EBI3: variants seen among roughly 807,000 people sequenced by gnomAD.
The protein encoded by EBI3 is interleukin-27 subunit beta.
A neutral mutation model predicts 21.3 loss-of-function variants in EBI3; 19 were observed. The ratio of observed to expected loss-of-function variants is 0.89; its 90% CI spans 0.62 to 1.31. The LOEUF is 1.31. EBI3 is among the 50% of genes most tolerant of loss of function. EBI3 has a pLI of 0.00. For synonymous variants in EBI3, 154 were observed against 131.2 expected (o/e 1.17, Z -1.19); for missense variants, 331 against 314.0 (o/e 1.05, Z -0.41).
In EBI3 at chr19:4,236,835, C is replaced by G; in HGVS notation, c.538-101C>G. On this transcript the variant is annotated intron_variant, in intron 4 of 4. Coordinates refer to ENST00000221847, the MANE Select transcript of EBI3 (RefSeq NM_005755.3). ...GGCCAGAGTCCTGGACTGGAGCCTG[C>G]AGGGGGCAGGGAGGACTGCACGCTC... The G allele has an allele frequency of 2.3e-6, 3 of 1,321,954 alleles. No homozygotes were observed. In the African/African-American group the frequency reaches 4.6e-5, roughly 20 times the overall value. The allele number at this position is 1,321,954 out of a possible 1,614,324, so 81.9% of individuals were successfully genotyped here. A position where few individuals can be genotyped will look rare whatever the true frequency, so the allele number is the denominator to read the frequency against.
Position 4,237,115 on chromosome 19 carries a change from G to C in EBI3, c.*27G>C. Reference sequence around the variant, plus strand: ...AAGGGCTTCCCGCTGCCTCCAGACAGCACCTGGGTCCTCGCCACCCTAAGC... The same window carrying C: ...AAGGGCTTCCCGCTGCCTCCAGACACCACCTGGGTCCTCGCCACCCTAAGC... On this transcript the variant is annotated 3_prime_UTR_variant, in exon 5 of 5. Transcript: ENST00000221847. 1 of 1,465,430 alleles carries C rather than the reference G, an allele frequency of 6.8e-7. No homozygotes were observed. Among genetic ancestry groups the C allele is most frequent in the Non-Finnish European group, 9.1e-7 (1 of 1,099,672 alleles). 90.8% of individuals were successfully genotyped at this position (1,465,430 alleles called of 1,614,324 possible).
chr19:4,232,752 T>TAATGAATG (rs1218188547), intron 2 of EBI3, among the ~76,000 whole-genome samples: 1 of 33,784 alleles, frequency 3.0e-5, no homozygotes, highest in Admixed American at 2.6e-4. Flanking sequence ...AGGGATGAAT[T>TAATGAATG]AATGAATGAA....
chr19:4,235,471 C>G (rs1052911428), intron 4 of EBI3, among the ~76,000 whole-genome samples: 1 of 151,350 alleles, frequency 6.6e-6, no homozygotes, highest in Non-Finnish European at 1.5e-5. Context: ...AGGCGCCCAC[C>G]ACGCCCGGCT....
intron 4 of EBI3, among the ~76,000 whole-genome samples, chr19:4,235,911 A>G (rs1055424494): frequency 2.6e-5 from 4 of 152,202 alleles, no homozygotes; most frequent in African/African-American, 4.8e-5. Context: ...TGGGTAACAG[A>G]GAGAGACTCT....
Position 4,237,113 on chromosome 19 carries a change from C to T in EBI3, c.*25C>T, listed in dbSNP as rs772512479. 2.7e-6 allele frequency: 4 copies of T among 1,477,666 alleles called. No individual in the cohort carries two copies. Among genetic ancestry groups the T allele is most frequent in the East Asian group, 2.6e-5 (1 of 38,370 alleles). The allele number at this position is 1,477,666 out of a possible 1,614,324, so 91.5% of individuals were successfully genotyped here. On this transcript the variant is annotated 3_prime_UTR_variant, in exon 5 of 5. Transcript: ENST00000221847. ...GCAAGGGCTTCCCGCTGCCTCCAGACAGCACCTGGGTCCTCGCCACCCTAA... is the reference window on the plus strand; with the variant it reads ...GCAAGGGCTTCCCGCTGCCTCCAGATAGCACCTGGGTCCTCGCCACCCTAA...
chr19:4,234,662 G>A lies in EBI3; in HGVS notation c.380-5G>A, dbSNP rs370189348. 147 of 1,609,334 alleles carry A rather than the reference G, an allele frequency of 9.1e-5. No individual in the cohort carries two copies. Among genetic ancestry groups the A allele is most frequent in the Admixed American group, 5.2e-4 (31 of 59,328 alleles). On this transcript the variant is annotated splice_polypyrimidine_tract_variant and splice_region_variant and intron_variant, in intron 3 of 4. Coordinates refer to ENST00000221847, the MANE Select transcript of EBI3 (RefSeq NM_005755.3). ...CCCTGACCCTGCTTCCTGCTTGTCC[G>A]TCAGTCAAGCCCGACCCTCCAGAAG...
Position 4,231,174 on chromosome 19 carries a change from T to C in EBI3, c.68-17T>C. The C allele has an allele frequency of 6.4e-7, 1 of 1,561,014 alleles. No individual in the cohort carries two copies. The highest frequency in any genetic ancestry group is 1.4e-5 in the African/African-American group (1 of 72,330). ...CTGGGGGTAAACCAGAAGCTCACTC[T>C]TTCTGTCTTCCTCCAGGGCCCCCAG... On this transcript the variant is annotated splice_polypyrimidine_tract_variant and intron_variant, in intron 1 of 4. Coordinates refer to ENST00000221847, the MANE Select transcript of EBI3 (RefSeq NM_005755.3).
In EBI3 at chr19:4,231,202, G is replaced by A; in HGVS notation, c.79G>A (p.Ala27Thr). The change falls in exon 2 of 5, where the codon GCT (alanine) becomes ACT (threonine). Residue 27 changes from alanine (A) to threonine (T), a missense_variant. Physicochemically the swap from Ala to Thr is moderately conservative, Grantham distance 58. Coordinates refer to ENST00000221847, the MANE Select transcript of EBI3 (RefSeq NM_005755.3). Reference protein sequence around the residue: ...PCSGRKGPPAALTLPRVQCRA... With the variant: ...PCSGRKGPPATLTLPRVQCRA... ...CTGTCTTCCTCCAGGGCCCCCAGCA[G>A]CTCTGACACTGCCCCGGGTGCAATG... The A allele has an allele frequency of 6.3e-7, 1 of 1,596,420 alleles. No homozygotes were observed.
Position 4,233,292 on chromosome 19 carries a change from A to G in EBI3, c.364A>G (p.Ile122Val), listed in dbSNP as rs748587004. 1.9e-6 allele frequency: 3 copies of G among 1,608,952 alleles called. No individual in the cohort carries two copies. The highest frequency in any genetic ancestry group is 2.2e-5 in the East Asian group (1 of 44,564). Reference sequence around the variant, plus strand: ...CTCCAGCAGCAGCTTCGTGCCTTTCATAACAGAGCACATCAGTGAGTGGGG... The same window carrying G: ...CTCCAGCAGCAGCTTCGTGCCTTTCGTAACAGAGCACATCAGTGAGTGGGG... The part of the protein sequence containing the change: ...WGSSSSFVPF[I>V]TEHIIKPDPP... The change falls in exon 3 of 5, where the codon ATA (isoleucine) becomes GTA (valine). Residue 122 changes from isoleucine to valine, a missense_variant. Ile to Val is a conservative substitution (Grantham distance 29, BLOSUM62 3). Transcript: ENST00000221847.
intron 2 of EBI3, 189 bp from the exon 3 acceptor site, chr19:4,232,940 G>T: frequency 1.8e-6 from 1 of 554,732 alleles, no homozygotes; most frequent in Non-Finnish European, 3.0e-6. Flanking sequence ...CAGGGGCACC[G>T]TGATGTTGGG....
chr19:4,236,859 T>C, intron 4 of EBI3, 77 bp from the exon 5 acceptor site: 1 of 1,391,572 alleles, frequency 7.2e-7, no homozygotes, highest in Non-Finnish European at 9.4e-7. Flanking sequence ...GACTGCACGC[T>C]CCGTTGTGTG....
chr19:4,232,677 T>C (rs1245352540), intron 2 of EBI3, among the ~76,000 whole-genome samples: 1 of 151,926 alleles, frequency 6.6e-6, no homozygotes, highest in Non-Finnish European at 1.5e-5. Flanking sequence ...TGAGCTAGGA[T>C]CATGCCACTG....
chr19:4,232,780 GAATGAATGAAGGAAT>G (rs1970799204), intron 2 of EBI3, among the ~76,000 whole-genome samples: 2 of 134,914 alleles, frequency 1.5e-5, no homozygotes, highest in African/African-American at 7.4e-5. Flanking sequence ...ATGAATTAAT[GAATGAATGAAGGAAT>G]GAATTAATGA....
rs144032656 is a variant in EBI3, at chr19:4,231,327, G to A, written c.200+4G>A. 4.4e-4 allele frequency: 700 copies of A among 1,602,386 alleles called. 12 individuals carry two copies. The East Asian group carries it at 0.015, about 34-fold the overall frequency. On this transcript the variant is annotated splice_donor_region_variant and intron_variant, in intron 2 of 4. Transcript: ENST00000221847. ...TGTCCTTCATTGCCACGTACAGGTC[G>A]GAGAGCCTGGAAGGGGGCCTCAGGG...
chr19:4,236,815 G>C (rs1037666332), intron 4 of EBI3, 121 bp from the exon 5 acceptor site: 35 of 1,198,422 alleles, frequency 2.9e-5, no homozygotes, highest in Middle Eastern at 2.2e-4. Context: ...GCTGGGGCCA[G>C]AGTCCTGGAC....
Position 4,237,056 on chromosome 19 carries a change from C to A in EBI3, c.658C>A (p.Pro220Thr). ...CGGGGAACTGAGTGACTGGAGTCTC[C>A]CCGCCACTGCCACAATGAGCCTGGG... ...DYGELSDWSL[P>T]ATATMSLGK Residue 220 changes from proline to threonine, a missense_variant, in exon 5 of 5, where the codon CCC (proline) becomes ACC (threonine). Coordinates refer to ENST00000221847, the MANE Select transcript of EBI3 (RefSeq NM_005755.3). 1 of 1,559,734 alleles carries A rather than the reference C, an allele frequency of 6.4e-7. No individual in the cohort carries two copies. Among genetic ancestry groups the A allele is most frequent in the South Asian group, 1.2e-5 (1 of 85,704 alleles).
intron 1 of EBI3, 123 bp from the exon 2 acceptor site, chr19:4,231,068 G>A (rs1970777122): frequency 5.4e-6 from 7 of 1,303,816 alleles, no homozygotes; most frequent in Non-Finnish European, 7.1e-6. Flanking sequence ...TATTCCGAAA[G>A]CCTTTATTAG....
In EBI3 at chr19:4,237,055, C is replaced by T; in HGVS notation, c.657C>T (p.Leu219=). The part of the protein sequence containing the change: ...TDYGELSDWS[L]PATATMSLGK Reference sequence around the variant, plus strand: ...ACGGGGAACTGAGTGACTGGAGTCTCCCCGCCACTGCCACAATGAGCCTGG... The same window carrying T: ...ACGGGGAACTGAGTGACTGGAGTCTTCCCGCCACTGCCACAATGAGCCTGG... Residue 219 remains leucine, a synonymous_variant, in exon 5 of 5, where the codon CTC becomes CTT. Coordinates refer to ENST00000221847, the MANE Select transcript of EBI3 (RefSeq NM_005755.3). 2 of 1,561,854 alleles carry T rather than the reference C, an allele frequency of 1.3e-6. No individual in the cohort carries two copies. Among genetic ancestry groups the T allele is most frequent in the Non-Finnish European group, 8.7e-7 (1 of 1,150,908 alleles).
chr19:4,236,967 TC>T lies in EBI3; in HGVS notation c.570del (p.Arg191GlyfsTer24). 1 of 1,537,504 alleles carries T rather than the reference TC, an allele frequency of 6.5e-7. No homozygotes were observed. Among genetic ancestry groups the T allele is most frequent in the South Asian group, 1.2e-5 (1 of 81,292 alleles). On this transcript the variant is annotated frameshift_variant, in exon 5 of 5. Coordinates refer to ENST00000221847, the MANE Select transcript of EBI3 (RefSeq NM_005755.3). LOFTEE classifies it low-confidence loss of function (END_TRUNC). ...VGPIEATSFI[L>X]RAVRPRARYY... ...CCCATTGAAGCCACGTCCTTCATCC[TC>T]AGGGCTGTGCGGCCCCGAGCCAGGT...
Sources: gnomAD v4.1 joint callset for allele counts (sites outside exome capture counted in the v4.1 genomes callset) on GRCh38, gnomAD v4.1.1 for gene constraint, MANE v1.5 for transcripts, NCBI Gene and HGNC (gene_info 2026-07-23, HGNC 2026-07-21) for gene names.